The following COL21A1 variants were observed in gnomAD, a reference collection of about 807,000 sequenced individuals.
COL21A1 encodes collagen type XXI alpha 1 chain.
Under a neutral mutation model 137.9 loss-of-function variants are expected in COL21A1, and 149 were observed. The ratio of observed to expected loss-of-function variants is 1.08; its 90% CI spans 0.95 to 1.24. COL21A1 has a LOEUF of 1.24. COL21A1 is among the 50% of genes most tolerant of loss of function. The pLI, the probability that COL21A1 is intolerant of heterozygous loss-of-function variation, is 0.00. For synonymous variants in COL21A1, 456 were observed against 391.5 expected, an observed-to-expected ratio of 1.16 and a Z score of -1.95; for missense variants, 1,167 against 1,158.4, an observed-to-expected ratio of 1.01 and a Z score of -0.11.
intron 1 of COL21A1, chr6:56,225,881 CT>C (rs1781152616): frequency 6.6e-6 from 1 of 151,984 alleles, no homozygotes; most frequent in Admixed American, 6.6e-5. Flanking sequence ...GATGGTCTTC[CT>C]GTGGGCTTTG....
chr6:56,287,469 A>T (rs1210838314), intron 1 of COL21A1, among the ~76,000 whole-genome samples: 2 of 152,070 alleles, frequency 1.3e-5, no homozygotes, highest in Non-Finnish European at 2.9e-5. Context: ...TGTTCTCATG[A>T]TATTGAGTGA....
At chr6:56,240,928 G>T (rs115503687) in intron 1 of COL21A1, among the ~76,000 whole-genome samples, 3 of 152,082 alleles carry the variant, frequency 2.0e-5, no homozygotes, top group Non-Finnish European at 4.4e-5. Flanking sequence ...GTTTGCTGTC[G>T]TTACAAAAAT....
At chr6:56,165,203 C>T (rs888253403) in intron 7 of COL21A1, among the ~76,000 whole-genome samples, 2 of 152,168 alleles carry the variant, frequency 1.3e-5, no homozygotes, top group African/African-American at 2.4e-5. Flanking sequence ...GAGGAAGTCA[C>T]AAACTGCATG....
chr6:56,272,381 CCTG>C (rs1763549543), intron 1 of COL21A1, among the ~76,000 whole-genome samples: 1 of 150,610 alleles, frequency 6.6e-6, no homozygotes. Flanking sequence ...TTACCCAATG[CCTG>C]CACCCCCATT....
At chr6:56,313,776 T>C (rs1161455890) in intron 1 of COL21A1, among the ~76,000 whole-genome samples, 1 of 151,938 alleles carries the variant, frequency 6.6e-6, no homozygotes, top group Non-Finnish European at 1.5e-5. Context: ...CACAATTCAG[T>C]CCATAGCATA....
chr6:56,318,567 A>AGG (rs1764794592), intron 1 of COL21A1, among the ~76,000 whole-genome samples: 1 of 152,042 alleles, frequency 6.6e-6, no homozygotes, highest in Admixed American at 6.6e-5. Context: ...CCCTCCCCTG[A>AGG]CTACCTCTAC....
intron 1 of COL21A1, among the ~76,000 whole-genome samples, chr6:56,375,896 A>T (rs1489268072): frequency 6.6e-6 from 1 of 152,206 alleles, no homozygotes; most frequent in Non-Finnish European, 1.5e-5. Flanking sequence ...CCAGGTATAG[A>T]TATCAAATAT....
At chr6:56,165,499 G>A (rs964468334) in intron 7 of COL21A1, among the ~76,000 whole-genome samples, 2 of 152,190 alleles carry the variant, frequency 1.3e-5, no homozygotes, top group African/African-American at 4.8e-5. Context: ...TGTCAATGCA[G>A]AGACATCAAT....
chr6:56,351,314 G>T (rs192876266), intron 1 of COL21A1, among the ~76,000 whole-genome samples: 1 of 152,304 alleles, frequency 6.6e-6, no homozygotes, highest in Admixed American at 6.5e-5. Context: ...CAGAAAAGGG[G>T]GTCCCCGTTG....
intron 1 of COL21A1, among the ~76,000 whole-genome samples, chr6:56,350,354 T>C (rs1765685881): frequency 6.6e-6 from 1 of 152,172 alleles, no homozygotes; most frequent in Non-Finnish European, 1.5e-5. Flanking sequence ...TAGGCACTTG[T>C]ACTACATGGG....
chr6:56,276,430 T>A lies in COL21A1; in HGVS notation c.-38-93774A>T, dbSNP rs530280785. 736 of 576,024 alleles carry A rather than the reference T, an allele frequency of 1.3e-3. 5 individuals carry two copies. The highest frequency in any genetic ancestry group is 0.012 in the African/African-American group (616 of 52,126). 35.7% of individuals were successfully genotyped at this position (576,024 alleles called of 1,614,324 possible). On this transcript the variant is annotated intron_variant, in intron 1 of 28. Coordinates refer to the COL21A1 transcript ENST00000370819. ...GTTTCCTGTTTTGATCTTTTTTTTT[T>A]AAAGTCAACAAAAGTCTTTCTTTCT... is the stretch of plus-strand genomic sequence containing the variant.
chr6:56,223,462 A>C (rs1400228099), intron 1 of COL21A1, among the ~76,000 whole-genome samples: 1 of 152,114 alleles, frequency 6.6e-6, no homozygotes, highest in Non-Finnish European at 1.5e-5. Context: ...AAATTTAAAA[A>C]CTATATTAAA....
intron 5 of COL21A1, among the ~76,000 whole-genome samples, chr6:56,170,021 C>A (rs1303978093): frequency 2.0e-5 from 3 of 151,718 alleles, no homozygotes; most frequent in African/African-American, 7.3e-5. Flanking sequence ...TAATAATGAG[C>A]AAAACTTAAT....
At chr6:56,103,194 C>CGTG (rs1217582381) in intron 16 of COL21A1, among the ~76,000 whole-genome samples, 2 of 152,006 alleles carry the variant, frequency 1.3e-5, no homozygotes, top group African/African-American at 4.8e-5. Context: ...AATTTCAGGC[C>CGTG]ATACTGCAGC....
At chr6:56,245,618 G>T (rs1406682770) in intron 1 of COL21A1, among the ~76,000 whole-genome samples, 1 of 152,182 alleles carries the variant, frequency 6.6e-6, no homozygotes, top group Non-Finnish European at 1.5e-5. Flanking sequence ...TGACAACAAT[G>T]TGAATTATGA....
chr6:56,294,460 G>A (rs542872408), intron 1 of COL21A1, among the ~76,000 whole-genome samples: 1 of 152,146 alleles, frequency 6.6e-6, no homozygotes, highest in South Asian at 2.1e-4. Context: ...AAACTGATCA[G>A]AATATTGAGA....
chr6:56,328,722 T>C (rs879325171), intron 1 of COL21A1, among the ~76,000 whole-genome samples: 1 of 152,116 alleles, frequency 6.6e-6, no homozygotes, highest in Non-Finnish European at 1.5e-5. Flanking sequence ...AGTACTGAAC[T>C]TTACTATTAC....
At chr6:56,206,612 T>A (rs9396182) in intron 1 of COL21A1, among the ~76,000 whole-genome samples, 98,388 of 149,466 alleles carry the variant, frequency 0.66, 32,768 homozygotes, top group East Asian at 0.86. Context: ...GATATTCAGG[T>A]CTTGAACTCA....
chr6:56,192,519 C>T lies in COL21A1; in HGVS notation c.-38-9863G>A, dbSNP rs1356813627. Among the ~76,000 whole-genome samples, 5 of 151,394 alleles carry T rather than the reference C, an allele frequency of 3.3e-5. No individual in the cohort carries two copies. The South Asian group carries it at 8.3e-4, about 25-fold the overall frequency. On this transcript the variant is annotated intron_variant, in intron 1 of 29. Coordinates refer to ENST00000244728, the MANE Select transcript of COL21A1 (RefSeq NM_030820.4). ...AAAAAAAACAACCCCATCAAAAAGT[C>T]GACAAAGGATAAGAGCAGACATTTC... is the stretch of plus-strand genomic sequence containing the variant.
Sources: allele counts gnomAD v4.1 joint callset (sites outside exome capture counted in the v4.1 genomes callset), GRCh38; gene constraint gnomAD v4.1.1; transcripts MANE v1.5; gene names NCBI Gene and HGNC (gene_info 2026-07-23, HGNC 2026-07-21).